SULT1B1: variants seen among roughly 807,000 people sequenced by gnomAD.
SULT1B1 encodes sulfotransferase 1B1.
Under a neutral mutation model 34.6 loss-of-function variants are expected in SULT1B1, and 28 were observed. The observed-to-expected ratio is 0.81, with a 90% CI of 0.60 to 1.11. The LOEUF is 1.11. SULT1B1 is among the 50% of genes least tolerant of loss of function. The pLI, the probability that SULT1B1 is intolerant of heterozygous loss-of-function variation, is 0.00. For synonymous variants in SULT1B1, 147 were observed against 110.2 expected (o/e 1.33, Z -2.09); for missense variants, 374 against 352.2 (o/e 1.06, Z -0.50).
intron 7 of SULT1B1, among the ~76,000 whole-genome samples, chr4:69,729,112 A>G (rs7668109): frequency 0.089 from 13,566 of 152,086 alleles, 857 homozygotes; most frequent in East Asian, 0.37. Flanking sequence ...GGGAAATTAT[A>G]TTCACGTATC....
At chr4:69,738,254 C>T (rs545286292) in intron 4 of SULT1B1, among the ~76,000 whole-genome samples, 1 of 152,264 alleles carries the variant, frequency 6.6e-6, no homozygotes, top group East Asian at 1.9e-4. Context: ...TCTTTATGTG[C>T]TCCACCATTA....
intron 5 of SULT1B1, 89 bp from the exon 6 acceptor site, chr4:69,733,596 G>T: frequency 2.1e-6 from 2 of 975,596 alleles, no homozygotes; most frequent in South Asian, 1.9e-5. Context: ...AAAACATTTT[G>T]AATTTAGTAA....
intron 1 of SULT1B1, among the ~76,000 whole-genome samples, chr4:69,756,550 A>G (rs1719200388): frequency 6.6e-6 from 1 of 152,122 alleles, no homozygotes; most frequent in Non-Finnish European, 1.5e-5. Context: ...TCCTAGGAGT[A>G]TTCCTTCTAC....
In SULT1B1 at chr4:69,724,043, A is replaced by G. The variant is rs1245921628; in HGVS notation, c.*3045T>C. 3 of 152,180 alleles carry G rather than the reference A, an allele frequency of 2.0e-5. No homozygotes were observed. The highest frequency in any genetic ancestry group is 2.1e-4 in the South Asian group (1 of 4,834). The allele number at this position is 152,180 out of a possible 1,614,324, so 9.4% of individuals were successfully genotyped here. A position where few individuals can be genotyped will look rare whatever the true frequency, so the allele number is the denominator to read the frequency against. On this transcript the variant is annotated 3_prime_UTR_variant, in exon 8 of 8. Coordinates refer to ENST00000310613, the MANE Select transcript of SULT1B1 (RefSeq NM_014465.4). ...TGGCCAGGGCAATCAGGCAGGAGAA[A>G]GAAATAAAGGGTATTCAATTAGGAG...
intron 7 of SULT1B1, 89 bp from the exon 8 acceptor site, chr4:69,727,289 A>G: frequency 5.9e-6 from 5 of 847,076 alleles, no homozygotes; most frequent in African/African-American, 1.8e-5. Context: ...TAGAAGGCCT[A>G]AAGAAAGACC....
chr4:69,752,547 T>A (rs1021606637), intron 3 of SULT1B1, among the ~76,000 whole-genome samples: 3 of 152,238 alleles, frequency 2.0e-5, no homozygotes, highest in Admixed American at 6.5e-5. Context: ...ATAATATTTA[T>A]AAGCTGAACT....
At chr4:69,742,413 G>C (rs1718585750) in intron 4 of SULT1B1, among the ~76,000 whole-genome samples, 1 of 152,130 alleles carries the variant, frequency 6.6e-6, no homozygotes, top group Non-Finnish European at 1.5e-5. Context: ...CTTCTTCCTT[G>C]ACTTTTTGAA....
rs191093850 is a variant in SULT1B1, at chr4:69,749,627, T to A, written c.375+94A>T. The A allele has an allele frequency of 2.9e-5, 26 of 892,292 alleles. No homozygotes were observed. The Admixed American group carries it at 5.4e-4, about 18-fold the overall frequency. The allele number at this position is 892,292 out of a possible 1,614,324, so 55.3% of individuals were successfully genotyped here. A position where few individuals can be genotyped will look rare whatever the true frequency, so the allele number is the denominator to read the frequency against. On this transcript the variant is annotated intron_variant, in intron 4 of 7. Coordinates refer to ENST00000310613, the MANE Select transcript of SULT1B1 (RefSeq NM_014465.4). ...AGTATAGATTGTTGCAAGTATATGG[T>A]TAAAGAAACAAAAAATATTTTAAAA...
In SULT1B1 at chr4:69,730,509, A is replaced by G. The variant is rs375995089; in HGVS notation, c.770T>C (p.Met257Thr). The part of the protein sequence containing the change: ...TVMDHSKSPF[M>T]RKGTAGDWKN... ...CCCAGCAAAGTATTTACCTTTACGCATAAAAGGGGATTTGCTATGATCCAT... is the reference window on the plus strand; with the variant it reads ...CCCAGCAAAGTATTTACCTTTACGCGTAAAAGGGGATTTGCTATGATCCAT... The change falls in exon 7 of 8, where the codon ATG (methionine) becomes ACG (threonine). Residue 257 changes from methionine to threonine, a missense_variant. Met to Thr is a moderately conservative substitution (Grantham distance 81). Transcript: ENST00000310613. The G allele has an allele frequency of 2.0e-5, 32 of 1,601,710 alleles. 1 individual carries two copies. Among genetic ancestry groups the G allele is most frequent in the African/African-American group, 8.0e-5 (6 of 74,718 alleles).
At chr4:69,757,309 T>G (rs79171237) in intron 1 of SULT1B1, among the ~76,000 whole-genome samples, 1 of 152,034 alleles carries the variant, frequency 6.6e-6, no homozygotes, top group Non-Finnish European at 1.5e-5. Context: ...TTGCATAATA[T>G]CTTAGATGAA....
At position 69,726,571 on chromosome 4, in the gene SULT1B1, C is replaced by G. The variant is rs1717842595; in HGVS notation, c.*517G>C. The stretch of plus-strand genomic sequence containing the variant: ...TGATCGGGGACATGAACTTTGTTAT[C>G]CAAATAGAGGCACTGCAGGAAGATG... On this transcript the variant is annotated 3_prime_UTR_variant, in exon 8 of 8. Coordinates refer to ENST00000310613, the MANE Select transcript of SULT1B1 (RefSeq NM_014465.4). 2 of 151,902 alleles carry G rather than the reference C, an allele frequency of 1.3e-5. No individual in the cohort carries two copies. Among genetic ancestry groups the G allele is most frequent in the African/African-American group, 4.8e-5 (2 of 41,376 alleles). 9.4% of individuals were successfully genotyped at this position (151,902 alleles called of 1,614,324 possible).
chr4:69,755,016 T>G (rs1461984160), intron 2 of SULT1B1, 54 bp downstream of exon 2: 11 of 1,469,832 alleles, frequency 7.5e-6, no homozygotes, highest in African/African-American at 1.4e-5. Context: ...CAAGTTGATT[T>G]CCAGGAAACA....
intron 6 of SULT1B1, among the ~76,000 whole-genome samples, chr4:69,731,839 A>G (rs559514674): frequency 1.6e-4 from 25 of 152,350 alleles, no homozygotes; most frequent in African/African-American, 5.3e-4. Flanking sequence ...TAGCTAAATA[A>G]AGACAGAAAT....
At chr4:69,740,057 C>T (rs1248979270) in intron 4 of SULT1B1, among the ~76,000 whole-genome samples, 1 of 152,178 alleles carries the variant, frequency 6.6e-6, no homozygotes, top group Non-Finnish European at 1.5e-5. Flanking sequence ...CCCTCCAAGT[C>T]TCTAGGAAGT....
intron 4 of SULT1B1, among the ~76,000 whole-genome samples, chr4:69,740,042 C>G (rs1718479998): frequency 6.6e-6 from 1 of 152,178 alleles, no homozygotes; most frequent in Admixed American, 6.5e-5. Context: ...TTCCAGTGTT[C>G]TGAGCCCTCC....
rs1283376248 is a variant in SULT1B1 at position 69,726,607 on chromosome 4, C to G, written c.*481G>C. ...CACTGCAGGAAGATGAGCTATGACTCAGAGAACAACTTGAAACTCGGTAGA... is the reference window on the plus strand; with the variant it reads ...CACTGCAGGAAGATGAGCTATGACTGAGAGAACAACTTGAAACTCGGTAGA... On this transcript the variant is annotated 3_prime_UTR_variant, in exon 8 of 8. Transcript: ENST00000310613. The G allele has an allele frequency of 6.6e-6, 1 of 152,050 alleles. No individual in the cohort carries two copies. The highest frequency in any genetic ancestry group is 2.4e-5 in the African/African-American group (1 of 41,410). 9.4% of individuals were successfully genotyped at this position (152,050 alleles called of 1,614,324 possible).
chr4:69,734,602 G>A (rs1241547601), intron 4 of SULT1B1, among the ~76,000 whole-genome samples: 1 of 152,014 alleles, frequency 6.6e-6, no homozygotes, highest in African/African-American at 2.4e-5. Flanking sequence ...ATGACACTGT[G>A]ACTAAAGAGA....
chr4:69,751,593 CG>C (rs1313690540), intron 3 of SULT1B1, among the ~76,000 whole-genome samples: 1 of 152,042 alleles, frequency 6.6e-6, no homozygotes, highest in Non-Finnish European at 1.5e-5. Context: ...TTGAGACTAC[CG>C]GCGCCCGCCA....
At chr4:69,741,556 T>G (rs763509435) in intron 4 of SULT1B1, among the ~76,000 whole-genome samples, 3 of 152,248 alleles carry the variant, frequency 2.0e-5, no homozygotes, top group African/African-American at 4.8e-5. Context: ...ATTTCTGGTT[T>G]GTTTTAGCCA....
Sources: allele counts gnomAD v4.1 joint callset (sites outside exome capture counted in the v4.1 genomes callset), GRCh38; gene constraint gnomAD v4.1.1; transcripts MANE v1.5; gene names NCBI Gene and HGNC (gene_info 2026-07-23, HGNC 2026-07-21).